Variants in OSBPL9 observed in about 807,000 individuals in gnomAD.
The protein encoded by OSBPL9 is oxysterol binding protein like 9.
A neutral mutation model predicts 106.6 loss-of-function variants in OSBPL9; 40 were observed. The ratio of observed to expected loss-of-function variants is 0.38; its 90% CI spans 0.29 to 0.49. The LOEUF is 0.49. Ranked by LOEUF, OSBPL9 falls within the 20% of genes least tolerant of loss-of-function variation. The probability of loss-of-function intolerance (pLI) is 0.97; values close to 1 mark genes in which losing one functional copy is unlikely to be tolerated. For missense variants in OSBPL9, 609 were observed against 887.2 expected, an observed-to-expected ratio of 0.69 and a Z score of 3.98; for synonymous variants, 269 against 295.4, an observed-to-expected ratio of 0.91 and a Z score of 0.92.
chr1:51,533,929 G>C, the OSBPL9 span, among the ~76,000 whole-genome samples: 28 of 145,682 alleles, frequency 1.9e-4, no homozygotes, highest in Non-Finnish European at 1.5e-4. Flanking sequence ...GATGCTGACT[G>C]GGCGCAGTGG....
At chr1:51,528,096 C>A in the OSBPL9 span, among the ~76,000 whole-genome samples, 1 of 151,982 alleles carries the variant, frequency 6.6e-6, no homozygotes, top group South Asian at 2.1e-4. Context: ...TGAACTCTAG[C>A]CTGGGGGTGA....
chr1:51,695,545 T>G (rs896505727), intron 3 of OSBPL9, among the ~76,000 whole-genome samples: 2 of 152,186 alleles, frequency 1.3e-5, no homozygotes, highest in African/African-American at 4.8e-5. Context: ...TTCTTTCTGT[T>G]TGCTATAATA....
intron 4 of OSBPL9, among the ~76,000 whole-genome samples, chr1:51,735,393 A>G (rs1208026714): frequency 2.0e-5 from 3 of 152,192 alleles, no homozygotes; most frequent in African/African-American, 7.2e-5. Context: ...AAGTTCAAAC[A>G]TTGTATCTGA....
At chr1:51,691,741 A>C (rs1655010335) in intron 3 of OSBPL9, among the ~76,000 whole-genome samples, 1 of 151,920 alleles carries the variant, frequency 6.6e-6, no homozygotes, top group Non-Finnish European at 1.5e-5. Context: ...TTTCTATTTA[A>C]GATTTTTTTT....
intron 2 of OSBPL9, among the ~76,000 whole-genome samples, chr1:51,604,765 T>C (rs1455804064): frequency 1.3e-5 from 2 of 151,794 alleles, no homozygotes; most frequent in African/African-American, 4.8e-5. Context: ...GTGATTCTCC[T>C]GCCTCAGCCT....
intron 22 of OSBPL9, among the ~76,000 whole-genome samples, 160 bp from the exon 23 acceptor site, chr1:51,787,193 A>C (rs1159833376): frequency 6.6e-6 from 1 of 152,152 alleles, no homozygotes; most frequent in East Asian, 1.9e-4. Flanking sequence ...TTCTGAGCCC[A>C]TATGTCTGTT....
chr1:51,768,382 T>C (rs1673103316), intron 12 of OSBPL9, among the ~76,000 whole-genome samples: 3 of 151,550 alleles, frequency 2.0e-5, no homozygotes, highest in Admixed American at 2.0e-4. Flanking sequence ...CCCAGCTAAT[T>C]TTTGTACTTT....
At chr1:51,640,562 A>C (rs1257956724) in intron 1 of OSBPL9, among the ~76,000 whole-genome samples, 2 of 152,176 alleles carry the variant, frequency 1.3e-5, no homozygotes, top group African/African-American at 4.8e-5. Context: ...GAGGACTGAA[A>C]GTTTACAGAA....
chr1:51,563,166 C>T, the OSBPL9 span, among the ~76,000 whole-genome samples: 1 of 152,116 alleles, frequency 6.6e-6, no homozygotes, highest in Admixed American at 6.5e-5. Flanking sequence ...GCCGAGATCA[C>T]GTCACTGCAC....
At chr1:51,676,292 A>G (rs953009984) in intron 3 of OSBPL9, among the ~76,000 whole-genome samples, 1 of 151,868 alleles carries the variant, frequency 6.6e-6, no homozygotes, top group Non-Finnish European at 1.5e-5. Context: ...TTAGCCAGGG[A>G]TGGTGGTGCG....
At chr1:51,683,757 C>T (rs1025248930) in intron 3 of OSBPL9, among the ~76,000 whole-genome samples, 1 of 151,820 alleles carries the variant, frequency 6.6e-6, no homozygotes, top group Non-Finnish European at 1.5e-5. Flanking sequence ...CGCGCCCCTG[C>T]TCTCCAACCT....
chr1:51,696,400 A>C (rs1412667969), intron 3 of OSBPL9, among the ~76,000 whole-genome samples: 1 of 152,122 alleles, frequency 6.6e-6, no homozygotes, highest in Non-Finnish European at 1.5e-5. Context: ...AGTCCTCTAA[A>C]AACAACAACA....
intron 1 of OSBPL9, among the ~76,000 whole-genome samples, chr1:51,624,075 C>G (rs1319678794): frequency 1.3e-5 from 2 of 151,822 alleles, no homozygotes; most frequent in Non-Finnish European, 2.9e-5. Context: ...CACCACCAGG[C>G]CTGGCTAATT....
At chr1:51,541,260 C>T in the OSBPL9 span, among the ~76,000 whole-genome samples, 1 of 152,086 alleles carries the variant, frequency 6.6e-6, no homozygotes, top group Non-Finnish European at 1.5e-5. Flanking sequence ...ACACAGTTTC[C>T]AGCTCATAGA....
chr1:51,692,127 C>T (rs1366313328), intron 3 of OSBPL9, among the ~76,000 whole-genome samples: 2 of 151,980 alleles, frequency 1.3e-5, no homozygotes, highest in African/African-American at 2.4e-5. Flanking sequence ...GGCAACATAG[C>T]GAGACCCTGT....
intron 1 of OSBPL9, among the ~76,000 whole-genome samples, chr1:51,622,425 T>C (rs1392228710): frequency 6.6e-6 from 1 of 152,252 alleles, no homozygotes; most frequent in African/African-American, 2.4e-5. Context: ...TATTGCGTTA[T>C]GACAGATTAC....
Position 51,781,167 on chromosome 1 carries a change from T to C in OSBPL9, c.1260T>C (p.Ile420=), listed in dbSNP as rs951739823. 14 of 1,613,814 alleles carry C rather than the reference T, an allele frequency of 8.7e-6. No individual in the cohort carries two copies. Among genetic ancestry groups the C allele is most frequent in the Admixed American group, 1.7e-5 (1 of 59,996 alleles). The change falls in exon 16 of 24, where the codon ATT becomes ATC. Residue 420 remains isoleucine (I), a synonymous_variant. Coordinates refer to ENST00000428468, the MANE Select transcript of OSBPL9 (RefSeq NM_024586.6). ...FFAHPDLFVS[I]SDQKDPKDRM... is the part of the protein sequence containing the mutation. Reference sequence around the variant, plus strand: ...ATTTTGTCTTTCTCCCTTGCAGCATTAGTGACCAGAAGGATCCCAAGGATC... The same window carrying C: ...ATTTTGTCTTTCTCCCTTGCAGCATCAGTGACCAGAAGGATCCCAAGGATC...
At chr1:51,569,951 A>G in the OSBPL9 span, among the ~76,000 whole-genome samples, 10 of 152,238 alleles carry the variant, frequency 6.6e-5, no homozygotes, top group Admixed American at 6.5e-5. Context: ...CTGAGTCATA[A>G]GGAGGTGAGT....
chr1:51,715,336 G>A (rs1415048858), intron 4 of OSBPL9, among the ~76,000 whole-genome samples: 3 of 152,216 alleles, frequency 2.0e-5, no homozygotes, highest in South Asian at 2.1e-4. Context: ...TGTAATTCCT[G>A]TAGATTTCTT....
Sources: allele counts gnomAD v4.1 joint callset (sites outside exome capture counted in the v4.1 genomes callset), GRCh38; gene constraint gnomAD v4.1.1; transcripts MANE v1.5; gene names NCBI Gene and HGNC (gene_info 2026-07-23, HGNC 2026-07-21).